Variants in JAG1 observed in about 807,000 individuals in gnomAD.
JAG1 encodes the protein protein jagged-1.
A neutral mutation model predicts 148.7 loss-of-function variants in JAG1; 23 were observed. That is an observed-to-expected ratio of 0.15 (90% CI 0.11 to 0.22). The LOEUF (loss-of-function observed/expected upper bound fraction) is 0.22, where lower values mean the gene tolerates loss of function less well. Among genes scored for constraint, JAG1 ranks in the 10% least tolerant of loss-of-function variants. The probability of loss-of-function intolerance (pLI) is 1.00; values close to 1 mark genes in which losing one functional copy is unlikely to be tolerated. For missense variants in JAG1, 1,054 were observed against 1,611.2 expected (o/e 0.65, Z 5.92); for synonymous variants, 572 against 598.3 (o/e 0.96, Z 0.64).
intron 14 of JAG1, 150 bp from the exon 15 acceptor site, chr20:10,646,234 C>T (rs1336976453): frequency 4.4e-6 from 3 of 681,036 alleles, no homozygotes; most frequent in Non-Finnish European, 8.0e-6. Flanking sequence ...TCAAATTAGA[C>T]AGGCGGCTTA....
At chr20:10,650,514 T>C in intron 8 of JAG1, 154 bp from the exon 9 acceptor site, 1 of 653,128 alleles carries the variant, frequency 1.5e-6, no homozygotes, top group East Asian at 2.8e-5. Context: ...ACGGTGACGA[T>C]AAGGCCGAAG....
rs949529670 is a variant in JAG1, at chr20:10,650,566, T to TA, written c.1121-207dup. On this transcript the variant is annotated intron_variant, in intron 8 of 25. Coordinates refer to ENST00000254958, the MANE Select transcript of JAG1 (RefSeq NM_000214.3). The stretch of plus-strand genomic sequence containing the variant: ...AAATCCCCCACTGCCCCAGTTCATG[T>TA]AATCCCCAACCTAAGCAGTGGGGGA... The TA allele has an allele frequency of 2.8e-4, 157 of 569,434 alleles. 1 individual carries two copies. Among genetic ancestry groups the TA allele is most frequent in the African/African-American group, 2.7e-3 (143 of 53,576 alleles). The allele number at this position is 569,434 out of a possible 1,614,324, so 35.3% of individuals were successfully genotyped here. A position where few individuals can be genotyped will look rare whatever the true frequency, so the allele number is the denominator to read the frequency against.
At chr20:10,669,159 C>T (rs1887158565) in intron 2 of JAG1, among the ~76,000 whole-genome samples, 1 of 152,206 alleles carries the variant, frequency 6.6e-6, no homozygotes, top group Admixed American at 6.5e-5. Flanking sequence ...TGTTGCAACA[C>T]AGATACATCA....
At position 10,672,782 on chromosome 20, in the gene JAG1, G is replaced by A. The variant is rs1351840404; in HGVS notation, c.306C>T (p.Ile102=). ...CSFGSGSTPV[I]GGNTFNLKAS... ...CCTTGAGGTTGAAGGTGTTGCCCCC[G>A]ATGACAGGCGTGGACCCTGAGCCGA... is the stretch of plus-strand genomic sequence containing the variant. Residue 102 remains isoleucine, a synonymous_variant, in exon 2 of 26, where the codon ATC becomes ATT. Coordinates refer to ENST00000254958, the MANE Select transcript of JAG1 (RefSeq NM_000214.3). 5 of 1,613,048 alleles carry A rather than the reference G, an allele frequency of 3.1e-6. No individual in the cohort carries two copies. Among genetic ancestry groups the A allele is most frequent in the African/African-American group, 2.7e-5 (2 of 74,940 alleles).
chr20:10,639,512 C>G lies in JAG1; in HGVS notation c.3643G>C (p.Glu1215Gln). 29 of 1,614,164 alleles carry G rather than the reference C, an allele frequency of 1.8e-5. No individual in the cohort carries two copies. The highest frequency in any genetic ancestry group is 2.5e-5 in the Non-Finnish European group (29 of 1,180,028). Residue 1215 changes from glutamate (E) to glutamine (Q), a missense_variant, in exon 26 of 26, where the codon GAG becomes CAG. Glu to Gln is a conservative substitution (Grantham distance 29). Transcript: ENST00000254958. The stretch of plus-strand genomic sequence containing the variant: ...CCCGCGGTCTGCTATACGATGTACT[C>G]CATTCGGTTTAAGCTCTGGGCACTT... ...LESAQSLNRM[E>Q]YIV is the part of the protein sequence containing the mutation.
In JAG1 at chr20:10,644,401, A is replaced by G; in HGVS notation, c.2345-17T>C. On this transcript the variant is annotated splice_polypyrimidine_tract_variant and intron_variant, in intron 18 of 25. Transcript: ENST00000254958. ...CATTGGTATCTGCAAAGAAAAGACA[A>G]CTTAATAGTGAGGACTTCAACAGGG... 1 of 1,610,196 alleles carries G rather than the reference A, an allele frequency of 6.2e-7. No homozygotes were observed.
intron 2 of JAG1, among the ~76,000 whole-genome samples, chr20:10,664,998 G>A (rs1462272815): frequency 6.6e-6 from 1 of 152,126 alleles, no homozygotes; most frequent in Non-Finnish European, 1.5e-5. Flanking sequence ...TGCTATCTTG[G>A]CACTGAAGAA....
rs931424097 is a variant in JAG1, at chr20:10,641,335, GCTTA to G, written c.2917-95_2917-92del. 2.9e-5 allele frequency: 45 copies of G among 1,564,664 alleles called. No homozygotes were observed. The African/African-American group carries it at 5.0e-4, about 17-fold the overall frequency. On this transcript the variant is annotated intron_variant, in intron 23 of 25. Transcript: ENST00000254958. ...TCTCTTTGAGGCTGGCTAAGTTCAA[GCTTA>G]CTTTATTATAAAACAGGAATGTAAG...
At position 10,643,879 on chromosome 20, in the gene JAG1, C is replaced by G. The variant is rs946451108; in HGVS notation, c.2373-16G>C. ...GCTGTTGTAACTAAGAAAGCAAAGACCACCTTGGTTACCAACCTCCCAGTC... is the reference window on the plus strand; with the variant it reads ...GCTGTTGTAACTAAGAAAGCAAAGAGCACCTTGGTTACCAACCTCCCAGTC... On this transcript the variant is annotated splice_polypyrimidine_tract_variant and intron_variant, in intron 19 of 25. Coordinates refer to ENST00000254958, the MANE Select transcript of JAG1 (RefSeq NM_000214.3). 3.1e-6 allele frequency: 5 copies of G among 1,606,156 alleles called. No individual in the cohort carries two copies. Among genetic ancestry groups the G allele is most frequent in the African/African-American group, 1.3e-5 (1 of 74,620 alleles).
chr20:10,666,797 A>G (rs918920366), intron 2 of JAG1, among the ~76,000 whole-genome samples: 1 of 152,214 alleles, frequency 6.6e-6, no homozygotes, highest in African/African-American at 2.4e-5. Flanking sequence ...AGGAATGGTC[A>G]GCCTTCGGAA....
In JAG1 at chr20:10,648,171, T is replaced by G; in HGVS notation, c.1570-61A>C. The G allele has an allele frequency of 1.9e-6, 3 of 1,598,992 alleles. No individual in the cohort carries two copies. In the South Asian group the frequency reaches 3.3e-5, roughly 18 times the overall value. ...TCAGAGTAAAACAAAGGTGTCACGA[T>G]AACTTCTCTGGGGCAGCAGGCACTG... is the stretch of plus-strand genomic sequence containing the variant. On this transcript the variant is annotated intron_variant, in intron 12 of 25. Coordinates refer to ENST00000254958, the MANE Select transcript of JAG1 (RefSeq NM_000214.3).
intron 20 of JAG1, among the ~76,000 whole-genome samples, 196 bp from the exon 21 acceptor site, chr20:10,642,797 T>C (rs2067282186): frequency 1.3e-5 from 2 of 152,212 alleles, no homozygotes; most frequent in African/African-American, 4.8e-5. Flanking sequence ...ACCACCACCA[T>C]CCTGAGTTCT....
At chr20:10,656,872 TAAAA>T (rs33952645) in intron 4 of JAG1, among the ~76,000 whole-genome samples, 6,236 of 113,362 alleles carry the variant, frequency 0.055, 411 homozygotes, top group African/African-American at 0.18. Context: ...CCTCAGCCTT[TAAAA>T]AAAAAAAAAA....
intron 7 of JAG1, 100 bp downstream of exon 7, chr20:10,652,031 T>A: frequency 7.4e-7 from 1 of 1,355,584 alleles, no homozygotes; most frequent in Non-Finnish European, 1.1e-6. Context: ...TGGAAGCTAT[T>A]TTCACTTTTT....
chr20:10,648,654 G>A lies in JAG1; in HGVS notation c.1464C>T (p.Ile488=), dbSNP rs374629171. 2.0e-5 allele frequency: 33 copies of A among 1,613,912 alleles called. No individual in the cohort carries two copies. The highest frequency in any genetic ancestry group is 1.6e-4 in the Middle Eastern group (1 of 6,080). The part of the protein sequence containing the change: ...GYAGDHCERD[I]DECASNPCLN... Reference sequence around the variant, plus strand: ...AACAGGGGTTGCTGGCACATTCATCGATGTCTCTCTCACAGTGATCGCCTG... The same window carrying A: ...AACAGGGGTTGCTGGCACATTCATCAATGTCTCTCTCACAGTGATCGCCTG... Residue 488 remains isoleucine, a synonymous_variant, in exon 12 of 26, where the codon ATC becomes ATT. Transcript: ENST00000254958.
At chr20:10,667,589 C>A (rs1305668544) in intron 2 of JAG1, among the ~76,000 whole-genome samples, 12 of 152,184 alleles carry the variant, frequency 7.9e-5, no homozygotes, top group Non-Finnish European at 8.8e-5. Flanking sequence ...TAAGAAAGGA[C>A]AACTATCCTA....
chr20:10,656,843 C>T (rs1043141507), intron 4 of JAG1, among the ~76,000 whole-genome samples: 1 of 149,132 alleles, frequency 6.7e-6, no homozygotes, highest in Non-Finnish European at 1.5e-5. Flanking sequence ...CCCATCCCAC[C>T]AGGACACATT....
intron 10 of JAG1, 143 bp from the exon 11 acceptor site, chr20:10,649,250 G>GT: frequency 1.5e-6 from 1 of 684,328 alleles, no homozygotes; most frequent in Non-Finnish European, 2.6e-6. Context: ...ATTACGCTGG[G>GT]TGGGGACCCT....
rs2067274141 is a variant in JAG1, at chr20:10,641,809, G to T, written c.2656C>A (p.Leu886Met). ...WDDDCNTCQCLNGRIACSKVW... is the reference protein window; with the variant it reads ...WDDDCNTCQCMNGRIACSKVW... ...TTTGAGCAGGCGATCCGTCCATTCA[G>T]GCACTGGCAGGTATTACAGTCATCA... Residue 886 changes from leucine to methionine, a missense_variant, in exon 22 of 26, where the codon CTG becomes ATG. By Grantham distance (15) the Leu-to-Met change is conservative (BLOSUM62 2). This residue lies in a region of JAG1 where 342 missense variants were observed against 514.6 expected (regional missense o/e 0.66). Coordinates refer to ENST00000254958, the MANE Select transcript of JAG1 (RefSeq NM_000214.3). 6.2e-7 allele frequency: 1 copy of T among 1,613,910 alleles called. No homozygotes were observed. Among genetic ancestry groups the T allele is most frequent in the Admixed American group, 1.7e-5 (1 of 60,002 alleles).
Sources: gnomAD v4.1 joint callset for allele counts (sites outside exome capture counted in the v4.1 genomes callset) on GRCh38, gnomAD v4.1.1 for gene constraint, gnomAD v4.1.1 regional missense constraint, MANE v1.5 for transcripts, NCBI Gene and HGNC (gene_info 2026-07-23, HGNC 2026-07-21) for gene names.